The following AOX1 variants were observed in gnomAD, a reference collection of about 807,000 sequenced individuals.
AOX1 encodes the protein aldehyde oxidase 1, also known as aldehyde oxidase.
Under a neutral mutation model 169.5 loss-of-function variants are expected in AOX1, and 153 were observed. The ratio of observed to expected loss-of-function variants is 0.90; its 90% CI spans 0.79 to 1.03. The LOEUF is 1.03. Among genes scored for constraint, AOX1 ranks in the 50% least tolerant of loss-of-function variants. The probability of loss-of-function intolerance (pLI) is 0.00; values close to 1 mark genes in which losing one functional copy is unlikely to be tolerated. For synonymous variants in AOX1, 562 were observed against 581.9 expected (o/e 0.97, Z 0.49); for missense variants, 1,656 against 1,663.9 (o/e 1.00, Z 0.08).
rs1352626906 is a variant in AOX1 at position 200,612,625 on chromosome 2, C to A, written c.1280C>A (p.Ala427Asp). ...PYSRKWEFVS[A>D]FRQAQRQENA... The stretch of plus-strand genomic sequence containing the variant: ...TTCTTTCAGTGGGAATTTGTGTCAG[C>A]CTTCCGACAAGCCCAGCGACAGGAG... Residue 427 changes from alanine (A) to aspartate (D), a missense_variant, in exon 14 of 35, where the codon GCC becomes GAC. By Grantham distance (126) the Ala-to-Asp change is moderately radical. Coordinates refer to ENST00000374700, the MANE Select transcript of AOX1 (RefSeq NM_001159.4). The A allele has an allele frequency of 6.2e-7, 1 of 1,613,532 alleles. No homozygotes were observed. Among genetic ancestry groups the A allele is most frequent in the Non-Finnish European group, 8.5e-7 (1 of 1,179,878 alleles).
intron 25 of AOX1, among the ~76,000 whole-genome samples, chr2:200,647,068 G>A (rs2035468808): frequency 6.6e-6 from 1 of 152,178 alleles, no homozygotes; most frequent in Non-Finnish European, 1.5e-5. Context: ...TATATTCAAT[G>A]TTAGTATTGA....
downstream of AOX1, among the ~76,000 whole-genome samples, chr2:200,672,245 C>A (rs1407192273): frequency 3.3e-5 from 5 of 152,112 alleles, no homozygotes; most frequent in African/African-American, 1.2e-4. Context: ...CTAAAAACCA[C>A]TGAATTGTAA....
chr2:200,658,176 A>G (rs2035732606), intron 27 of AOX1, among the ~76,000 whole-genome samples: 1 of 152,230 alleles, frequency 6.6e-6, no homozygotes, highest in Non-Finnish European at 1.5e-5. Flanking sequence ...TGACCATTTT[A>G]AATTGTTTGA....
In AOX1 at chr2:200,595,363, G is replaced by A; in HGVS notation, c.195G>A (p.Arg65=). The A allele has an allele frequency of 1.2e-6, 2 of 1,611,468 alleles. No homozygotes were observed. The highest frequency in any genetic ancestry group is 1.1e-5 in the South Asian group (1 of 90,746). The change falls in exon 3 of 35, where the codon AGG becomes AGA. Residue 65 remains arginine, a synonymous_variant. Transcript: ENST00000374700. ...CACGATACAACCCCATCACCAAGAG[G>A]ATAAGGTACCGTGCAGCAAAGTCCA... ...MISRYNPITK[R]IRHHPANACL...
chr2:200,601,647 T>A (rs1300182302), intron 5 of AOX1, among the ~76,000 whole-genome samples: 4 of 144,924 alleles, frequency 2.8e-5, no homozygotes, highest in Non-Finnish European at 4.6e-5. Flanking sequence ...AAAAAATTAG[T>A]TTGGCTGAAC....
intron 28 of AOX1, among the ~76,000 whole-genome samples, 193 bp from the exon 29 acceptor site, chr2:200,659,786 TCACACACACACACACA>T (rs56916091): frequency 3.1e-5 from 3 of 96,104 alleles, no homozygotes; most frequent in South Asian, 3.4e-4. Context: ...GTTCTCTCTC[TCACACACACACACACA>T]CACACACACA....
At chr2:200,653,771 G>T (rs1423662920) in intron 26 of AOX1, among the ~76,000 whole-genome samples, 1 of 152,228 alleles carries the variant, frequency 6.6e-6, no homozygotes, top group Non-Finnish European at 1.5e-5. Context: ...CTTCAAGCAA[G>T]TCTATTGGTG....
intron 28 of AOX1, 124 bp from the exon 29 acceptor site, chr2:200,659,871 T>G: frequency 1.5e-6 from 1 of 686,428 alleles, no homozygotes; most frequent in Non-Finnish European, 2.5e-6. Context: ...TCATACAGGG[T>G]TGGTGTCTTA....
Position 200,635,705 on chromosome 2 carries a change from G to A in AOX1, c.2346+790G>A, listed in dbSNP as rs567355088. Among the ~76,000 whole-genome samples the A allele has an allele frequency of 6.5e-4, 99 of 152,290 alleles. 1 individual carries two copies. The highest frequency in any genetic ancestry group is 2.2e-3 in the African/African-American group (93 of 41,556). On this transcript the variant is annotated intron_variant, in intron 21 of 34. Coordinates refer to ENST00000374700, the MANE Select transcript of AOX1 (RefSeq NM_001159.4). Reference sequence around the variant, plus strand: ...TACGCAGCATGCATGGAAGGAAGGAGGAATAGCACAATGACCGCCCCAGCT... The same window carrying A: ...TACGCAGCATGCATGGAAGGAAGGAAGAATAGCACAATGACCGCCCCAGCT...
intron 31 of AOX1, among the ~76,000 whole-genome samples, chr2:200,665,827 G>A (rs1381375977): frequency 2.6e-5 from 4 of 152,196 alleles, no homozygotes. Context: ...CTCCTGGAAG[G>A]CCAGTCTTGC....
intron 3 of AOX1, 66 bp downstream of exon 3, chr2:200,595,434 A>C (rs950859684): frequency 2.6e-6 from 3 of 1,173,404 alleles, no homozygotes; most frequent in Non-Finnish European, 3.7e-6. Flanking sequence ...ATATTCCTTC[A>C]TTTGGTAAAT....
At chr2:200,647,909 A>C (rs1157806286) in intron 25 of AOX1, among the ~76,000 whole-genome samples, 1 of 151,070 alleles carries the variant, frequency 6.6e-6, no homozygotes, top group South Asian at 2.1e-4. Flanking sequence ...TTGCATTTCT[A>C]AAAGTGTATC....
At chr2:200,642,431 T>A (rs12988162) in intron 24 of AOX1, among the ~76,000 whole-genome samples, 179 bp from the exon 25 acceptor site, 61,244 of 152,032 alleles carry the variant, frequency 0.4, 13,741 homozygotes, top group East Asian at 0.79. Context: ...AAAATTATTC[T>A]AATACTTAAA....
intron 1 of AOX1, chr2:200,588,073 G>A (rs1290021710): frequency 6.6e-6 from 1 of 152,368 alleles, no homozygotes; most frequent in Non-Finnish European, 1.5e-5. Flanking sequence ...ATGTCAGGAA[G>A]TGAGAAGTGC....
At chr2:200,600,479 G>C (rs892909123) in intron 5 of AOX1, among the ~76,000 whole-genome samples, 7 of 151,692 alleles carry the variant, frequency 4.6e-5, no homozygotes, top group Admixed American at 6.6e-5. Flanking sequence ...ATGTGGCGGG[G>C]GGGGACATCC....
At chr2:200,657,184 A>ATTTTT (rs1284180212) in intron 27 of AOX1, among the ~76,000 whole-genome samples, 8 of 64,772 alleles carry the variant, frequency 1.2e-4, no homozygotes, top group East Asian at 1.6e-3. Flanking sequence ...ATATATATAT[A>ATTTTT]TATATATTTT....
At chr2:200,647,047 T>G (rs2035468024) in intron 25 of AOX1, among the ~76,000 whole-genome samples, 1 of 152,190 alleles carries the variant, frequency 6.6e-6, no homozygotes, top group African/African-American at 2.4e-5. Context: ...AAGTGGAGAA[T>G]TTAGACCATT....
chr2:200,669,872 G>A, intron 34 of AOX1, 130 bp downstream of exon 34: 1 of 974,298 alleles, frequency 1.0e-6, no homozygotes, highest in Non-Finnish European at 1.5e-6. Context: ...GGAAACCTGG[G>A]GGCATTTGAG....
In AOX1 at chr2:200,656,845, G is replaced by C; in HGVS notation, c.3079G>C (p.Ala1027Pro). The C allele has an allele frequency of 6.4e-7, 1 of 1,571,064 alleles. No individual in the cohort carries two copies. Among genetic ancestry groups the C allele is most frequent in the Non-Finnish European group, 8.6e-7 (1 of 1,157,544 alleles). Residue 1027 changes from alanine to proline, a missense_variant, in exon 27 of 35, where the codon GCT becomes CCT. Physicochemically the swap from Ala to Pro is conservative, Grantham distance 27 (BLOSUM62 -1). Coordinates refer to ENST00000374700, the MANE Select transcript of AOX1 (RefSeq NM_001159.4). ...GLGSRAAGQA[A>P]ALVHIYLDGS... ...AGTTTTCGTCTTTTCTGCTCAGGCT[G>C]CTGCCTTGGTTCACATTTATCTTGA...
Sources: allele counts gnomAD v4.1 joint callset (sites outside exome capture counted in the v4.1 genomes callset), GRCh38; gene constraint gnomAD v4.1.1; transcripts MANE v1.5; gene names NCBI Gene and HGNC (gene_info 2026-07-23, HGNC 2026-07-21).